DGKB: variants seen among roughly 807,000 people sequenced by gnomAD.
DGKB encodes 90 kDa diacylglycerol kinase.
In DGKB, 67 loss-of-function variants were observed where a neutral mutation model predicts 114.3. The observed-to-expected ratio is 0.59, with a 90% CI of 0.48 to 0.72. The LOEUF is 0.72. Among genes scored for constraint, DGKB ranks in the 30% least tolerant of loss-of-function variants. DGKB has a pLI of 0.00. For missense variants in DGKB, 907 were observed against 975.2 expected, an observed-to-expected ratio of 0.93 and a Z score of 0.93; for synonymous variants, 398 against 323.1, an observed-to-expected ratio of 1.23 and a Z score of -2.49.
chr7:14,766,090 G>A (rs190277093), intron 2 of DGKB, among the ~76,000 whole-genome samples: 271 of 151,986 alleles, frequency 1.8e-3, no homozygotes, highest in African/African-American at 6.5e-3. Flanking sequence ...AGACAAATCT[G>A]GAGATAAAGA....
At chr7:14,772,901 G>A (rs1167486182) in intron 2 of DGKB, among the ~76,000 whole-genome samples, 3 of 152,050 alleles carry the variant, frequency 2.0e-5, no homozygotes, top group Non-Finnish European at 2.9e-5. Context: ...TTCCCCTTCA[G>A]CAAGCAGCAG....
chr7:14,418,392 T>TATGTGTGTGTATATATATACAC (rs1554421158), intron 21 of DGKB, among the ~76,000 whole-genome samples: 4 of 137,076 alleles, frequency 2.9e-5, no homozygotes, highest in Non-Finnish European at 6.2e-5. Context: ...TATATATATA[T>TATGTGTGTGTATATATATACAC]ACACACACAC....
At chr7:14,219,381 G>A (rs1789549126) in intron 23 of DGKB, among the ~76,000 whole-genome samples, 1 of 151,804 alleles carries the variant, frequency 6.6e-6, no homozygotes, top group South Asian at 2.1e-4. Flanking sequence ...ATTTTACAAT[G>A]TGACCAACAG....
At chr7:14,905,709 A>T (rs2128241664), upstream of DGKB, among the ~76,000 whole-genome samples, 1 of 152,290 alleles carries the variant, frequency 6.6e-6, no homozygotes, top group South Asian at 2.1e-4. Flanking sequence ...GAGAACCCAA[A>T]AGTTTGCAAA....
chr7:14,288,228 T>TG (rs1801185736), intron 23 of DGKB, among the ~76,000 whole-genome samples: 1 of 147,510 alleles, frequency 6.8e-6, no homozygotes, highest in Non-Finnish European at 1.5e-5. Flanking sequence ...TGTTTTTTTT[T>TG]TTTTAATTTT....
intron 25 of DGKB, among the ~76,000 whole-genome samples, chr7:14,170,264 A>G (rs546330108): frequency 1.3e-5 from 2 of 152,302 alleles, no homozygotes; most frequent in East Asian, 1.9e-4. Flanking sequence ...TTAAGAGATT[A>G]AAACCCAATG....
intron 21 of DGKB, among the ~76,000 whole-genome samples, chr7:14,370,768 C>T (rs1276690697): frequency 6.6e-6 from 1 of 152,008 alleles, no homozygotes; most frequent in African/African-American, 2.4e-5. Flanking sequence ...ATCCTGTCAC[C>T]CAGGTAGTGA....
Position 14,729,334 on chromosome 7 carries a change from G to A in DGKB, c.322+6707C>T, listed in dbSNP as rs536684597. ...AGACCAGGTTTCACCGTGTTAGCCA[G>A]GATGGTCTCGATCTCCTGACCTTGT... On this transcript the variant is annotated intron_variant, in intron 5 of 25. Transcript: ENST00000402815. Among the ~76,000 whole-genome samples the A allele has an allele frequency of 9.7e-3, 1,470 of 151,800 alleles. 18 individuals are homozygous for A. The highest frequency in any genetic ancestry group is 0.011 in the Non-Finnish European group (715 of 67,952).
At chr7:14,673,162 T>C (rs1819270811) in intron 12 of DGKB, 135 bp from the exon 13 acceptor site, 1 of 568,444 alleles carries the variant, frequency 1.8e-6, no homozygotes, top group Non-Finnish European at 3.0e-6. Context: ...ATAAACAGAG[T>C]CATAAAGGAA....
At chr7:14,824,196 G>A (rs1345448802) in intron 2 of DGKB, among the ~76,000 whole-genome samples, 1 of 152,034 alleles carries the variant, frequency 6.6e-6, no homozygotes, top group South Asian at 2.1e-4. Flanking sequence ...TGGTAACTAC[G>A]GCAGCTACAA....
At chr7:14,681,996 A>G (rs753384029) in intron 12 of DGKB, among the ~76,000 whole-genome samples, 2 of 152,130 alleles carry the variant, frequency 1.3e-5, no homozygotes, top group Non-Finnish European at 2.9e-5. Context: ...CAAGACCTGA[A>G]TAAAACACGG....
At position 14,428,496 on chromosome 7, in the gene DGKB, C is replaced by T. The variant is rs540430073; in HGVS notation, c.1835+49665G>A. 3.9e-5 allele frequency among the ~76,000 whole-genome samples: 6 copies of T among 152,232 alleles called. No individual in the cohort carries two copies. In the South Asian group the frequency reaches 1.2e-3, roughly 32 times the overall value. On this transcript the variant is annotated intron_variant, in intron 21 of 25. Coordinates refer to ENST00000402815, the MANE Select transcript of DGKB (RefSeq NM_001350709.2). Reference sequence around the variant, plus strand: ...AATAAAACAGTGTGATTTCCTTCTGCTCATACCAATATTTTTCTTGTTGCT... The same window carrying T: ...AATAAAACAGTGTGATTTCCTTCTGTTCATACCAATATTTTTCTTGTTGCT...
At chr7:14,388,526 A>T (rs1409489480) in intron 21 of DGKB, among the ~76,000 whole-genome samples, 2 of 151,072 alleles carry the variant, frequency 1.3e-5, no homozygotes, top group Non-Finnish European at 2.9e-5. Context: ...AGGAGATAAT[A>T]AGTCATCATT....
intron 23 of DGKB, among the ~76,000 whole-genome samples, chr7:14,240,022 G>A (rs757646839): frequency 3.3e-4 from 50 of 151,944 alleles, no homozygotes; most frequent in Non-Finnish European, 5.7e-4. Flanking sequence ...CAGCCACTGC[G>A]TATACGTTTT....
chr7:14,849,173 A>G (rs1000648732), intron 1 of DGKB, among the ~76,000 whole-genome samples: 2 of 152,204 alleles, frequency 1.3e-5, no homozygotes, highest in Admixed American at 6.5e-5. Flanking sequence ...ATTGGAGACT[A>G]ATGCAGTATC....
At position 14,373,713 on chromosome 7, in the gene DGKB, C is replaced by A. The variant is rs149155535; in HGVS notation, c.1836-28322G>T. 1.6e-3 allele frequency among the ~76,000 whole-genome samples: 241 copies of A among 152,218 alleles called. 1 individual carries two copies. Among genetic ancestry groups the A allele is most frequent in the African/African-American group, 4.7e-3 (197 of 41,552 alleles). ...ATTCTCTGACTCCTCCAATTCAGAACAAGCAGTAGAAGAGGTAAGGAGAGA... is the reference window on the plus strand; with the variant it reads ...ATTCTCTGACTCCTCCAATTCAGAAAAAGCAGTAGAAGAGGTAAGGAGAGA... On this transcript the variant is annotated intron_variant, in intron 21 of 25. Coordinates refer to ENST00000402815, the MANE Select transcript of DGKB (RefSeq NM_001350709.2).
chr7:14,800,205 C>T (rs772898132), intron 2 of DGKB, among the ~76,000 whole-genome samples: 19 of 152,168 alleles, frequency 1.2e-4, no homozygotes, highest in South Asian at 2.1e-4. Context: ...CGTGAGCCAC[C>T]GCGCTCGGTC....
At chr7:14,271,688 A>G (rs1039069386) in intron 23 of DGKB, among the ~76,000 whole-genome samples, 3 of 152,244 alleles carry the variant, frequency 2.0e-5, no homozygotes, top group African/African-American at 7.2e-5. Context: ...GAAAGAGAGC[A>G]CTACAAAAAA....
intron 15 of DGKB, 24 bp from the exon 16 acceptor site, chr7:14,613,437 G>A: frequency 1.5e-6 from 2 of 1,338,002 alleles, no homozygotes; most frequent in Non-Finnish European, 2.1e-6. Flanking sequence ...TATATACATG[G>A]AAAAATTATT....
Sources: allele counts gnomAD v4.1 joint callset (sites outside exome capture counted in the v4.1 genomes callset), GRCh38; gene constraint gnomAD v4.1.1; transcripts MANE v1.5; gene names NCBI Gene and HGNC (gene_info 2026-07-23, HGNC 2026-07-21).